The following GNAI2 variants were observed in gnomAD, a reference collection of about 807,000 sequenced individuals.
GNAI2 encodes guanine nucleotide-binding protein G(i) subunit alpha-2.
GNAI2 carries 4 observed loss-of-function variants against 36.8 expected under a neutral mutation model. The ratio of observed to expected loss-of-function variants is 0.11; its 90% CI spans 0.05 to 0.25. The LOEUF (loss-of-function observed/expected upper bound fraction) is 0.25. Among genes scored for constraint, GNAI2 ranks in the 10% least tolerant of loss-of-function variants. The probability of loss-of-function intolerance (pLI) is 1.00; values close to 1 mark genes in which losing one functional copy is unlikely to be tolerated. For synonymous variants in GNAI2, 194 were observed against 194.1 expected (o/e 1.00, Z 0.01); for missense variants, 230 against 481.3 (o/e 0.48, Z 4.89).
rs1559776061 is a variant in GNAI2 at position 50,255,120 on chromosome 3, CTG to C, written c.465-1071_465-1070del. 6.6e-6 allele frequency among the ~76,000 whole-genome samples: 1 copy of C among 152,220 alleles called. No homozygotes were observed. On this transcript the variant is annotated intron_variant, in intron 4 of 8. Transcript: ENST00000313601. The surrounding 1 kb of genome is among the most constrained non-coding windows in gnomAD (Gnocchi z 4.0). ...GTTTTTCTGTTTTGTCCCTGCTACT[CTG>C]AGATCATTTCCCTCTGGCCTGGTTT... is the stretch of plus-strand genomic sequence containing the variant.
At chr3:50,256,875 C>T (rs782787925) in intron 6 of GNAI2, 23 bp downstream of exon 6, 12 of 1,613,750 alleles carry the variant, frequency 7.4e-6, no homozygotes, top group East Asian at 2.2e-5. Context: ...GAGAATGCTG[C>T]GGGTGGGGGC....
intron 5 of GNAI2, 90 bp from the exon 6 acceptor site, chr3:50,256,633 G>T: frequency 7.2e-7 from 1 of 1,396,814 alleles, no homozygotes. Flanking sequence ...CTCTGGGCAG[G>T]CCTCTGTCCT....
rs587703073 is a variant in GNAI2, at chr3:50,253,525, G to C, written c.464+341G>C. 6.6e-6 allele frequency among the ~76,000 whole-genome samples: 1 copy of C among 152,146 alleles called. No homozygotes were observed. The highest frequency in any genetic ancestry group is 6.5e-5 in the Admixed American group (1 of 15,272). On this transcript the variant is annotated intron_variant, in intron 4 of 8. Transcript: ENST00000313601. The surrounding 1 kb of genome is among the most constrained non-coding windows in gnomAD (Gnocchi z 4.2). ...TTTGGGAGGCTGAGACAGGCGGGTC[G>C]TGAGATCAGGAGATCGAGACCATCC...
In GNAI2 at chr3:50,236,846, C is replaced by G. The variant is rs62260798; in HGVS notation, c.118+393C>G. On this transcript the variant is annotated intron_variant, in intron 1 of 8. Transcript: ENST00000313601. This position sits in a 1 kb window ranked among gnomAD's most constrained non-coding sequence, Gnocchi z 4.0. ...ACCCTCAGGCTCCGCTTGTTTTCCT[C>G]ACCTGCGCCTTTTATTCCTATTGGG... Among the ~76,000 whole-genome samples, 9 of 152,164 alleles carry G rather than the reference C, an allele frequency of 5.9e-5. No individual in the cohort carries two copies. Among genetic ancestry groups the G allele is most frequent in the African/African-American group, 1.9e-4 (8 of 41,442 alleles).
upstream of GNAI2, chr3:50,227,409 G>T: frequency 2.7e-6 from 1 of 376,252 alleles, no homozygotes. The surrounding 1 kb of genome is among the most constrained non-coding windows in gnomAD (Gnocchi z 5.9). Flanking sequence ...GCAAGGCGGG[G>T]GCCACCGTGA....
At chr3:50,248,638 C>G (rs1700475973) in intron 1 of GNAI2, among the ~76,000 whole-genome samples, 1 of 152,176 alleles carries the variant, frequency 6.6e-6, no homozygotes. Flanking sequence ...CTCACTACTT[C>G]CCGCCTGAGT....
chr3:50,246,179 T>C lies in GNAI2; in HGVS notation c.119-5921T>C, dbSNP rs587685285. ...CTTTGTCTGGCGGGGTCTCTGCCCC[T>C]CCCTCCCGTTGCCATGGTTTCTGTG... On this transcript the variant is annotated intron_variant, in intron 1 of 8. Transcript: ENST00000313601. 2.9e-4 allele frequency among the ~76,000 whole-genome samples: 44 copies of C among 152,260 alleles called. 1 individual carries two copies. The highest frequency in any genetic ancestry group is 4.4e-5 in the Non-Finnish European group (3 of 68,006).
Position 50,257,098 on chromosome 3 carries a change from G to T in GNAI2, c.877+8G>T. 1 of 1,612,230 alleles carries T rather than the reference G, an allele frequency of 6.2e-7. No individual in the cohort carries two copies. Among genetic ancestry groups the T allele is most frequent in the Non-Finnish European group, 8.5e-7 (1 of 1,178,832 alleles). ...GCTTCCCTGAGTACACAGGTGTGGG[G>T]ACTGTGGGGATAGGGCCTCCAGAGG... On this transcript the variant is annotated splice_region_variant and intron_variant, in intron 7 of 8. Coordinates refer to ENST00000313601, the MANE Select transcript of GNAI2 (RefSeq NM_002070.4).
chr3:50,234,949 C>T (rs1700133593), upstream of GNAI2, among the ~76,000 whole-genome samples: 2 of 152,210 alleles, frequency 1.3e-5, no homozygotes, highest in African/African-American at 4.8e-5. Context: ...GCAGCCATTG[C>T]CCAGTGGGGA....
In GNAI2 at chr3:50,241,810, C is replaced by A. The variant is rs587683384; in HGVS notation, c.118+5357C>A. 6.6e-6 allele frequency among the ~76,000 whole-genome samples: 1 copy of A among 152,180 alleles called. No individual in the cohort carries two copies. Among genetic ancestry groups the A allele is most frequent in the African/African-American group, 2.4e-5 (1 of 41,440 alleles). On this transcript the variant is annotated intron_variant, in intron 1 of 8. Coordinates refer to ENST00000313601, the MANE Select transcript of GNAI2 (RefSeq NM_002070.4). This position sits in a 1 kb window ranked among gnomAD's most constrained non-coding sequence, Gnocchi z 5.0. ...GGGGCCTGGGGATGGTCCGGGACCC[C>A]TTTGGCCCTGGGCAGCTTGTCAGCG... is the stretch of plus-strand genomic sequence containing the variant.
At chr3:50,251,983 G>T (rs1033775569) in intron 1 of GNAI2, 117 bp from the exon 2 acceptor site, 169 of 1,044,888 alleles carry the variant, frequency 1.6e-4, no homozygotes, top group Non-Finnish European at 2.3e-4. Flanking sequence ...CCATCTCACG[G>T]TGCAGCTGGT....
rs1025271963 is a variant in GNAI2, at chr3:50,238,914, C to T, written c.118+2461C>T. Among the ~76,000 whole-genome samples the T allele has an allele frequency of 5.9e-5, 9 of 152,210 alleles. No individual in the cohort carries two copies. Among genetic ancestry groups the T allele is most frequent in the Admixed American group, 2.6e-4 (4 of 15,288 alleles). ...CCAGCCAGAACCACGCCTGCTGCCC[C>T]GCCCGCACACCGCCTCCCTCCCATC... On this transcript the variant is annotated intron_variant, in intron 1 of 8. Coordinates refer to ENST00000313601, the MANE Select transcript of GNAI2 (RefSeq NM_002070.4). This position sits in a 1 kb window ranked among gnomAD's most constrained non-coding sequence, Gnocchi z 5.0.
chr3:50,247,301 C>A (rs1553701871), intron 1 of GNAI2, among the ~76,000 whole-genome samples: 1 of 152,200 alleles, frequency 6.6e-6, no homozygotes, highest in African/African-American at 2.4e-5. Context: ...GACATCAGGG[C>A]TGTGGCAAGT....
Position 50,253,241 on chromosome 3 carries a change from C to T in GNAI2, c.464+57C>T. 2 of 1,432,080 alleles carry T rather than the reference C, an allele frequency of 1.4e-6. No homozygotes were observed. Among genetic ancestry groups the T allele is most frequent in the Non-Finnish European group, 1.9e-6 (2 of 1,037,876 alleles). The allele number at this position is 1,432,080 out of a possible 1,614,324, so 88.7% of individuals were successfully genotyped here. Reference sequence around the variant, plus strand: ...GCAGGGGCTGGGGGAGGACTAAAGGCTGGACCGGAGGGCCTGAGAACCCCC... The same window carrying T: ...GCAGGGGCTGGGGGAGGACTAAAGGTTGGACCGGAGGGCCTGAGAACCCCC... On this transcript the variant is annotated intron_variant, in intron 4 of 8. Coordinates refer to ENST00000313601, the MANE Select transcript of GNAI2 (RefSeq NM_002070.4). The surrounding 1 kb of genome is among the most constrained non-coding windows in gnomAD (Gnocchi z 4.2).
chr3:50,236,365 G>A lies in GNAI2; in HGVS notation c.30G>A (p.Lys10=). Reference sequence around the variant, plus strand: ...GCTGCACCGTGAGCGCCGAGGACAAGGCGGCGGCCGAGCGCTCTAAGATGA... The same window carrying A: ...GCTGCACCGTGAGCGCCGAGGACAAAGCGGCGGCCGAGCGCTCTAAGATGA... MGCTVSAED[K]AAAERSKMID... The change falls in exon 1 of 9, where the codon AAG becomes AAA. Residue 10 remains lysine, a synonymous_variant. Coordinates refer to ENST00000313601, the MANE Select transcript of GNAI2 (RefSeq NM_002070.4). The surrounding 1 kb of genome is among the most constrained non-coding windows in gnomAD (Gnocchi z 4.0). 1.3e-6 allele frequency: 2 copies of A among 1,541,994 alleles called. No homozygotes were observed. The highest frequency in any genetic ancestry group is 1.7e-6 in the Non-Finnish European group (2 of 1,151,942).
rs1700640043 is a variant in GNAI2, at chr3:50,254,411, C to T, written c.464+1227C>T. 2.6e-5 allele frequency among the ~76,000 whole-genome samples: 4 copies of T among 152,152 alleles called. No homozygotes were observed. In the South Asian group the frequency reaches 6.2e-4, roughly 24 times the overall value. ...TTGTTCATCCAATCCTGAGCCTACC[C>T]ATAGGGTGGATTTCAGCAAGGGTGG... On this transcript the variant is annotated intron_variant, in intron 4 of 8. Transcript: ENST00000313601.
chr3:50,241,139 T>C lies in GNAI2; in HGVS notation c.118+4686T>C, dbSNP rs868980997. 2.1e-4 allele frequency among the ~76,000 whole-genome samples: 32 copies of C among 152,066 alleles called. No individual in the cohort carries two copies. Among genetic ancestry groups the C allele is most frequent in the African/African-American group, 7.5e-4 (31 of 41,398 alleles). ...GAGTGACAGACTGCCCTGGGGACCT[T>C]AGGCCCAACCTCTGGGGGTCTAGGT... On this transcript the variant is annotated intron_variant, in intron 1 of 8. Transcript: ENST00000313601. The surrounding 1 kb of genome is among the most constrained non-coding windows in gnomAD (Gnocchi z 5.0).
chr3:50,237,776 G>C (rs587742244), intron 1 of GNAI2, among the ~76,000 whole-genome samples: 3 of 151,166 alleles, frequency 2.0e-5, no homozygotes, highest in Non-Finnish European at 4.4e-5. Flanking sequence ...TTAGAGTTGG[G>C]GGGAGGGAGG....
chr3:50,253,002 G>C lies in GNAI2; in HGVS notation c.304-22G>C. On this transcript the variant is annotated intron_variant, in intron 3 of 8. Transcript: ENST00000313601. The surrounding 1 kb of genome is among the most constrained non-coding windows in gnomAD (Gnocchi z 4.2). Reference sequence around the variant, plus strand: ...TGGGGGTACATTCCTTCAACTGCCTGACCACCCGCCACTGTGCCCAGGACG... The same window carrying C: ...TGGGGGTACATTCCTTCAACTGCCTCACCACCCGCCACTGTGCCCAGGACG... 1.3e-6 allele frequency: 2 copies of C among 1,562,218 alleles called. No individual in the cohort carries two copies. The highest frequency in any genetic ancestry group is 1.7e-6 in the Non-Finnish European group (2 of 1,145,290).
Sources: gnomAD v4.1 joint callset for allele counts (sites outside exome capture counted in the v4.1 genomes callset) on GRCh38, gnomAD v4.1.1 for gene constraint, Gnocchi (gnomAD v3.1) non-coding constraint, MANE v1.5 for transcripts, NCBI Gene and HGNC (gene_info 2026-07-23, HGNC 2026-07-21) for gene names.